The following RAPGEF5 variants were observed in gnomAD, a reference collection of about 807,000 sequenced individuals.
The protein encoded by RAPGEF5 is M-Ras-regulated GEF.
Under a neutral mutation model 125.2 loss-of-function variants are expected in RAPGEF5, and 65 were observed. The ratio of observed to expected loss-of-function variants is 0.52; its 90% CI spans 0.43 to 0.64. RAPGEF5 has a LOEUF of 0.64. RAPGEF5 is among the 30% of genes least tolerant of loss of function. The probability of loss-of-function intolerance (pLI) is 0.00; values close to 1 mark genes in which losing one functional copy is unlikely to be tolerated. For synonymous variants in RAPGEF5, 391 were observed against 385.9 expected, an observed-to-expected ratio of 1.01 and a Z score of -0.16; for missense variants, 958 against 1,048.1, an observed-to-expected ratio of 0.91 and a Z score of 1.19.
intron 20 of RAPGEF5, among the ~76,000 whole-genome samples, chr7:22,140,918 A>T (rs1334001316): frequency 6.6e-6 from 1 of 151,516 alleles, no homozygotes; most frequent in African/African-American, 2.4e-5. Context: ...TTAAAATAAT[A>T]AAAAAAAATT....
At chr7:22,149,022 G>A (rs1227447752) in intron 18 of RAPGEF5, among the ~76,000 whole-genome samples, 1 of 152,204 alleles carries the variant, frequency 6.6e-6, no homozygotes, top group Non-Finnish European at 1.5e-5. Context: ...AGTAAGGCAT[G>A]TACAAATGAA....
At chr7:22,308,640 C>T in intron 4 of RAPGEF5, 133 bp from the exon 5 acceptor site, 1 of 712,578 alleles carries the variant, frequency 1.4e-6, no homozygotes, top group Non-Finnish European at 2.1e-6. Context: ...ACATTCTAAG[C>T]TCATTCATGT....
intron 1 of RAPGEF5, among the ~76,000 whole-genome samples, chr7:22,349,141 G>A (rs913210844): frequency 6.6e-6 from 1 of 151,116 alleles, no homozygotes; most frequent in African/African-American, 2.4e-5. Flanking sequence ...AGATCAGTAG[G>A]GGCCAAGAAC....
intron 1 of RAPGEF5, among the ~76,000 whole-genome samples, chr7:22,339,222 C>A (rs972898693): frequency 6.6e-6 from 1 of 152,182 alleles, no homozygotes; most frequent in East Asian, 1.9e-4. Context: ...GAAGAATCAG[C>A]GGAGAAAGGA....
intron 18 of RAPGEF5, 145 bp from the exon 19 acceptor site, chr7:22,147,164 TCAGTGAGTTA>T: frequency 1.8e-6 from 2 of 1,098,826 alleles, no homozygotes; most frequent in Non-Finnish European, 2.6e-6. Flanking sequence ...CTGTTCACCT[TCAGTGAGTTA>T]CAGCCAATTT....
chr7:22,229,319 T>A (rs1230446341), intron 8 of RAPGEF5, among the ~76,000 whole-genome samples: 2 of 152,196 alleles, frequency 1.3e-5, no homozygotes, highest in Admixed American at 1.3e-4. Context: ...TTAGTAACCA[T>A]CTTAACCTTT....
At chr7:22,308,534 C>A in intron 4 of RAPGEF5, 27 bp from the exon 5 acceptor site, 1 of 1,436,834 alleles carries the variant, frequency 7.0e-7, no homozygotes, top group South Asian at 1.4e-5. Flanking sequence ...ATATATAGAT[C>A]AATTTTTTAA....
intron 11 of RAPGEF5, 126 bp downstream of exon 11, chr7:22,193,241 C>T: frequency 9.7e-7 from 1 of 1,027,902 alleles, no homozygotes; most frequent in Admixed American, 2.7e-5. Flanking sequence ...AGGGACGAGT[C>T]GCACAAAGCA....
At chr7:22,318,117 G>T in intron 1 of RAPGEF5, 80 bp from the exon 2 acceptor site, 3 of 1,347,766 alleles carry the variant, frequency 2.2e-6, no homozygotes, top group Non-Finnish European at 3.0e-6. Flanking sequence ...AGCAACAGTG[G>T]CCAGGGCAGG....
At chr7:22,286,150 G>A (rs562148088) in intron 6 of RAPGEF5, among the ~76,000 whole-genome samples, 36 of 152,286 alleles carry the variant, frequency 2.4e-4, no homozygotes, top group Middle Eastern at 3.4e-3. Flanking sequence ...CGGATCAGAA[G>A]AGAGAGACAT....
intron 6 of RAPGEF5, among the ~76,000 whole-genome samples, chr7:22,273,209 GTA>G (rs1782478285): frequency 7.3e-6 from 1 of 137,122 alleles, no homozygotes; most frequent in African/African-American, 2.7e-5. Flanking sequence ...GCACTTAGGA[GTA>G]TTTTTTTTTT....
chr7:22,296,946 G>A (rs1783076898), intron 5 of RAPGEF5, among the ~76,000 whole-genome samples: 1 of 152,188 alleles, frequency 6.6e-6, no homozygotes, highest in African/African-American at 2.4e-5. Context: ...TCAGCATTTT[G>A]GCATTTGGCA....
At chr7:22,284,859 T>C (rs564548099) in intron 6 of RAPGEF5, among the ~76,000 whole-genome samples, 90 of 152,318 alleles carry the variant, frequency 5.9e-4, no homozygotes, top group Admixed American at 1.8e-3. Context: ...AAAAACATAT[T>C]TCTAAATGTG....
At chr7:22,336,257 T>C (rs1464081500) in intron 1 of RAPGEF5, among the ~76,000 whole-genome samples, 3 of 152,238 alleles carry the variant, frequency 2.0e-5, no homozygotes, top group Admixed American at 1.3e-4. Context: ...TGTTACATCA[T>C]GTCCACATAT....
rs1285883265 is a variant in RAPGEF5, at chr7:22,122,349, A to G, written c.*57T>C. 2 of 1,388,960 alleles carry G rather than the reference A, an allele frequency of 1.4e-6. No homozygotes were observed. Among genetic ancestry groups the G allele is most frequent in the East Asian group, 2.3e-5 (1 of 43,584 alleles). The allele number at this position is 1,388,960 out of a possible 1,614,324, so 86.0% of individuals were successfully genotyped here. On this transcript the variant is annotated 3_prime_UTR_variant, in exon 26 of 26. Coordinates refer to ENST00000665637, the MANE Select transcript of RAPGEF5 (RefSeq NM_012294.5). ...CTCACAGGAAAGCAACGTGCTTGGC[A>G]TAGACATTCCCGTAGCTCAAAGTGC... is the stretch of plus-strand genomic sequence containing the variant.
At chr7:22,170,189 G>A (rs1277623623) in intron 11 of RAPGEF5, among the ~76,000 whole-genome samples, 1 of 152,122 alleles carries the variant, frequency 6.6e-6, no homozygotes, top group Admixed American at 6.6e-5. Flanking sequence ...CAAGTAGCTG[G>A]GACTACTGGC....
Position 22,121,910 on chromosome 7 carries a change from A to G in RAPGEF5, c.*496T>C, listed in dbSNP as rs1782592639. 6.3e-6 allele frequency: 1 copy of G among 157,668 alleles called. No homozygotes were observed. Among genetic ancestry groups the G allele is most frequent in the Admixed American group, 6.1e-5 (1 of 16,456 alleles). 9.8% of individuals were successfully genotyped at this position (157,668 alleles called of 1,614,324 possible). ...GTGATGTCACAGGTTGTATCAACAGAAACCTCTCCTCCCTGGAGATCTAGA... is the reference window on the plus strand; with the variant it reads ...GTGATGTCACAGGTTGTATCAACAGGAACCTCTCCTCCCTGGAGATCTAGA... On this transcript the variant is annotated 3_prime_UTR_variant, in exon 26 of 26. Coordinates refer to ENST00000665637, the MANE Select transcript of RAPGEF5 (RefSeq NM_012294.5).
chr7:22,197,892 T>TTGG (rs1300119664), intron 9 of RAPGEF5, among the ~76,000 whole-genome samples: 1 of 17,744 alleles, frequency 5.6e-5, no homozygotes, highest in Non-Finnish European at 1.1e-4. Context: ...TTCTTTTTTT[T>TTGG]TGGGGGGGGG....
intron 13 of RAPGEF5, 122 bp downstream of exon 13, chr7:22,162,275 C>G (rs1784024950): frequency 2.9e-6 from 3 of 1,045,778 alleles, no homozygotes; most frequent in Non-Finnish European, 4.1e-6. Context: ...TTCTCTGAAT[C>G]ACAACTTGAC....
Sources: gnomAD v4.1 joint callset for allele counts (sites outside exome capture counted in the v4.1 genomes callset) on GRCh38, gnomAD v4.1.1 for gene constraint, MANE v1.5 for transcripts, NCBI Gene and HGNC (gene_info 2026-07-23, HGNC 2026-07-21) for gene names.